CMSS1: variants seen among roughly 807,000 people sequenced by gnomAD.
The protein encoded by CMSS1 is protein CMSS1.
Under a neutral mutation model 43.5 loss-of-function variants are expected in CMSS1, and 33 were observed. That is an observed-to-expected ratio of 0.76 (90% CI 0.57 to 1.01). CMSS1 has a LOEUF of 1.01. Among genes scored for constraint, CMSS1 ranks in the 50% least tolerant of loss-of-function variants. The probability of loss-of-function intolerance (pLI) is 0.00; values close to 1 mark genes in which losing one functional copy is unlikely to be tolerated. For synonymous variants in CMSS1, 115 were observed against 117.2 expected (o/e 0.98, Z 0.12); for missense variants, 313 against 326.4 (o/e 0.96, Z 0.32).
chr3:100,086,288 A>G (rs1460856606), intron 1 of CMSS1, among the ~76,000 whole-genome samples: 3 of 152,236 alleles, frequency 2.0e-5, no homozygotes, highest in African/African-American at 7.2e-5. Flanking sequence ...CACAGAAGAA[A>G]GGGACAGAAA....
At chr3:99,930,878 A>T in intron 1 of CMSS1, 1 of 1,613,238 alleles carries the variant, frequency 6.2e-7, no homozygotes, top group Non-Finnish European at 8.5e-7. Context: ...GGGACACGGA[A>T]GTATTACATC....
chr3:100,122,076 T>G (rs1411054084), intron 1 of CMSS1, among the ~76,000 whole-genome samples: 1 of 152,106 alleles, frequency 6.6e-6, no homozygotes, highest in African/African-American at 2.4e-5. Flanking sequence ...GCAAATAAAC[T>G]AGGTGCTGAG....
chr3:99,983,389 A>AATAAATAAATATAT (rs1302972402), intron 1 of CMSS1, among the ~76,000 whole-genome samples: 9 of 40,800 alleles, frequency 2.2e-4, no homozygotes, highest in African/African-American at 7.1e-4. Flanking sequence ...TAAATAAATA[A>AATAAATAAATATAT]ATATATATAT....
At chr3:100,046,173 A>C (rs1345075642) in intron 1 of CMSS1, among the ~76,000 whole-genome samples, 1 of 152,180 alleles carries the variant, frequency 6.6e-6, no homozygotes, top group Admixed American at 6.5e-5. Flanking sequence ...TTCCCAGGGC[A>C]CTGATAACTC....
At chr3:99,986,235 G>C (rs1273758283) in intron 1 of CMSS1, among the ~76,000 whole-genome samples, 7 of 152,188 alleles carry the variant, frequency 4.6e-5, no homozygotes, top group Non-Finnish European at 1.0e-4. Context: ...GGTAGATGTT[G>C]CTCATGCATC....
intron 1 of CMSS1, among the ~76,000 whole-genome samples, chr3:100,145,139 A>G (rs2066837684): frequency 6.6e-6 from 1 of 152,168 alleles, no homozygotes; most frequent in African/African-American, 2.4e-5. Flanking sequence ...CATGCTACAC[A>G]CTTAAGAGTA....
At chr3:100,014,194 G>GTA (rs1000329671) in intron 1 of CMSS1, among the ~76,000 whole-genome samples, 37 of 150,490 alleles carry the variant, frequency 2.5e-4, no homozygotes, top group African/African-American at 7.3e-4. Context: ...CATTGTATAT[G>GTA]TATATATATA....
intron 1 of CMSS1, among the ~76,000 whole-genome samples, chr3:99,833,485 C>T (rs536935899): frequency 6.6e-6 from 1 of 152,330 alleles, no homozygotes; most frequent in Admixed American, 6.5e-5. Context: ...AGCCCAATTT[C>T]TACATGACTC....
At chr3:100,153,022 T>C (rs1275113777) in intron 2 of CMSS1, among the ~76,000 whole-genome samples, 1 of 152,264 alleles carries the variant, frequency 6.6e-6, no homozygotes. Context: ...ATATTTATCT[T>C]AAAGTATGTA....
chr3:100,176,257 TA>T, intron 8 of CMSS1, 69 bp from the exon 9 acceptor site: 1 of 1,093,808 alleles, frequency 9.1e-7, no homozygotes, highest in Non-Finnish European at 1.4e-6. Context: ...ACCCGGAGAA[TA>T]AAAAATCATT....
intron 1 of CMSS1, among the ~76,000 whole-genome samples, chr3:99,916,142 C>T (rs1186092706): frequency 6.6e-6 from 1 of 152,144 alleles, no homozygotes; most frequent in Non-Finnish European, 1.5e-5. Context: ...AGACTGCCTT[C>T]CCCAGTGTGA....
intron 1 of CMSS1, among the ~76,000 whole-genome samples, chr3:99,943,601 G>A (rs1239950215): frequency 6.6e-6 from 1 of 152,108 alleles, no homozygotes; most frequent in Non-Finnish European, 1.5e-5. Flanking sequence ...CTACTCGGGA[G>A]GCTGAGGCAG....
chr3:99,888,661 G>A (rs1217714451), intron 1 of CMSS1, among the ~76,000 whole-genome samples: 1 of 152,166 alleles, frequency 6.6e-6, no homozygotes, highest in East Asian at 1.9e-4. Flanking sequence ...TATACTGGCT[G>A]TGGAAGGTAA....
At chr3:99,840,171 G>A (rs1943068428) in intron 1 of CMSS1, among the ~76,000 whole-genome samples, 1 of 151,708 alleles carries the variant, frequency 6.6e-6, no homozygotes, top group Non-Finnish European at 1.5e-5. Context: ...AAGAATAATG[G>A]GGAGAAAAAG....
At chr3:100,113,498 A>C (rs549836257) in intron 1 of CMSS1, among the ~76,000 whole-genome samples, 1 of 152,340 alleles carries the variant, frequency 6.6e-6, no homozygotes, top group African/African-American at 2.4e-5. Flanking sequence ...TTAAATCTTA[A>C]CATCAACAGA....
chr3:99,946,409 C>T (rs938512516), intron 1 of CMSS1, among the ~76,000 whole-genome samples: 5 of 152,126 alleles, frequency 3.3e-5, no homozygotes, highest in African/African-American at 1.2e-4. Context: ...AAGCAGTATC[C>T]AAAGGTCTTT....
intron 1 of CMSS1, chr3:99,849,829 G>T: frequency 6.2e-7 from 1 of 1,611,222 alleles, no homozygotes; most frequent in Non-Finnish European, 8.5e-7. Flanking sequence ...GTGTAATGCT[G>T]TTGTGGATTT....
chr3:100,018,494 A>G (rs1047876033), intron 1 of CMSS1, among the ~76,000 whole-genome samples: 1 of 152,168 alleles, frequency 6.6e-6, no homozygotes, highest in African/African-American at 2.4e-5. Flanking sequence ...ATGGAAATGG[A>G]TAGCCACATG....
rs540964480 is a variant in CMSS1 at position 100,111,399 on chromosome 3, TA to T, written c.65-35571del. 3.4e-4 allele frequency among the ~76,000 whole-genome samples: 52 copies of T among 152,344 alleles called. 2 individuals are homozygous for T. In the South Asian group the frequency reaches 5.8e-3, roughly 17 times the overall value. On this transcript the variant is annotated intron_variant, in intron 1 of 9. Transcript: ENST00000421999. Reference sequence around the variant, plus strand: ...GAAAACATTAGCTGGGCTAGTCCCTTAAATATCTAAAACTTAGTTTATCTAT... The same window carrying T: ...GAAAACATTAGCTGGGCTAGTCCCTTAATATCTAAAACTTAGTTTATCTAT...
Sources: gnomAD v4.1 joint callset for allele counts (sites outside exome capture counted in the v4.1 genomes callset) on GRCh38, gnomAD v4.1.1 for gene constraint, MANE v1.5 for transcripts, NCBI Gene and HGNC (gene_info 2026-07-23, HGNC 2026-07-21) for gene names.